The following KCNK2 variants were observed in gnomAD, a reference collection of about 807,000 sequenced individuals.
KCNK2 encodes potassium channel subfamily K member 2.
KCNK2 carries 21 observed loss-of-function variants against 40.5 expected under a neutral mutation model. That is an observed-to-expected ratio of 0.52 (90% CI 0.37 to 0.75). The LOEUF (loss-of-function observed/expected upper bound fraction) is 0.75, where lower values mean the gene tolerates loss of function less well. KCNK2 is among the 30% of genes least tolerant of loss of function. The pLI is 0.00. For synonymous variants in KCNK2, 191 were observed against 202.2 expected, an observed-to-expected ratio of 0.94 and a Z score of 0.47; for missense variants, 399 against 531.6, an observed-to-expected ratio of 0.75 and a Z score of 2.45.
At chr1:215,123,922 G>C (rs1051527093) in intron 2 of KCNK2, among the ~76,000 whole-genome samples, 1 of 152,098 alleles carries the variant, frequency 6.6e-6, no homozygotes, top group Non-Finnish European at 1.5e-5. Context: ...TCATCTTTCT[G>C]TCTTTCTCTT....
At chr1:215,198,593 G>A (rs1664961654) in intron 6 of KCNK2, among the ~76,000 whole-genome samples, 1 of 152,112 alleles carries the variant, frequency 6.6e-6, no homozygotes, top group Non-Finnish European at 1.5e-5. Flanking sequence ...TATTCTAGTT[G>A]TCATCTCTGT....
chr1:215,233,746 G>C (rs1345079878), intron 6 of KCNK2, among the ~76,000 whole-genome samples: 29 of 152,146 alleles, frequency 1.9e-4, no homozygotes, highest in Admixed American at 1.9e-3. Context: ...AAGCAGAAGT[G>C]CTAGAAGAAA....
chr1:215,218,270 G>A (rs1666035432), intron 6 of KCNK2, among the ~76,000 whole-genome samples: 1 of 152,150 alleles, frequency 6.6e-6, no homozygotes, highest in Non-Finnish European at 1.5e-5. Flanking sequence ...TAAAGTGCTG[G>A]GAAGTCTGAA....
intron 3 of KCNK2, among the ~76,000 whole-genome samples, chr1:215,150,669 A>G (rs544274501): frequency 6.6e-6 from 1 of 152,184 alleles, no homozygotes; most frequent in African/African-American, 2.4e-5. Context: ...AGATAATGCT[A>G]AAATATTATA....
intron 1 of KCNK2, among the ~76,000 whole-genome samples, chr1:215,016,476 G>T (rs569854618): frequency 6.6e-6 from 1 of 152,058 alleles, no homozygotes; most frequent in Non-Finnish European, 1.5e-5. Context: ...ACTGATTTTT[G>T]ACAGATGCCA....
intron 5 of KCNK2, among the ~76,000 whole-genome samples, chr1:215,182,353 T>A (rs905596863): frequency 6.6e-6 from 1 of 151,914 alleles, no homozygotes; most frequent in Non-Finnish European, 1.5e-5. Flanking sequence ...TGCACAACAA[T>A]CTATGTCCAG....
chr1:215,035,024 T>C (rs984696933), intron 1 of KCNK2, among the ~76,000 whole-genome samples: 1 of 152,102 alleles, frequency 6.6e-6, no homozygotes, highest in Non-Finnish European at 1.5e-5. Context: ...TACTTATTTG[T>C]TCACTTCTAG....
intron 1 of KCNK2, among the ~76,000 whole-genome samples, chr1:215,045,783 T>C (rs1657747386): frequency 2.0e-5 from 3 of 152,160 alleles, no homozygotes; most frequent in Admixed American, 2.0e-4. Flanking sequence ...GTAAATAAAT[T>C]TTCCATTCTG....
At chr1:215,007,185 G>GTGTATATATATATA (rs1398746959) in intron 1 of KCNK2, among the ~76,000 whole-genome samples, 7 of 31,026 alleles carry the variant, frequency 2.3e-4, no homozygotes, top group African/African-American at 8.6e-4. Flanking sequence ...ATGTGTGTGG[G>GTGTATATATATATA]TATATATATA....
intron 1 of KCNK2, among the ~76,000 whole-genome samples, chr1:215,026,399 A>G (rs1657001772): frequency 6.6e-6 from 1 of 150,838 alleles, no homozygotes; most frequent in Admixed American, 6.6e-5. Flanking sequence ...GTAATATCAT[A>G]TTATTTTTAA....
At chr1:215,176,630 C>T (rs1175071092) in intron 5 of KCNK2, among the ~76,000 whole-genome samples, 1 of 152,148 alleles carries the variant, frequency 6.6e-6, no homozygotes, top group Non-Finnish European at 1.5e-5. Context: ...AGGATAATGG[C>T]TTCCAGCTCC....
At chr1:215,173,683 C>T (rs1663823252) in intron 5 of KCNK2, among the ~76,000 whole-genome samples, 1 of 152,154 alleles carries the variant, frequency 6.6e-6, no homozygotes. Context: ...GAGATGGTGT[C>T]TCATTGTGGT....
chr1:215,007,133 G>A (rs1175676492), intron 1 of KCNK2, among the ~76,000 whole-genome samples: 8 of 114,452 alleles, frequency 7.0e-5, no homozygotes, highest in African/African-American at 2.7e-4. Flanking sequence ...ATATATATGT[G>A]TATATATATG....
At chr1:215,166,241 T>G (rs1326643004) in intron 3 of KCNK2, among the ~76,000 whole-genome samples, 1 of 151,566 alleles carries the variant, frequency 6.6e-6, no homozygotes, top group East Asian at 1.9e-4. Context: ...ACAACAGGAG[T>G]GGATCTGGGG....
intron 2 of KCNK2, among the ~76,000 whole-genome samples, chr1:215,099,762 G>T (rs1185829005): frequency 6.6e-6 from 1 of 151,818 alleles, no homozygotes; most frequent in Non-Finnish European, 1.5e-5. Flanking sequence ...TCTCAACATG[G>T]TTTCTTGGCT....
At chr1:215,035,139 T>C (rs185007355) in intron 1 of KCNK2, among the ~76,000 whole-genome samples, 1 of 152,138 alleles carries the variant, frequency 6.6e-6, no homozygotes, top group Admixed American at 6.6e-5. Flanking sequence ...GTACTTATAG[T>C]ATCCAGTAAA....
chr1:215,169,050 A>G, intron 3 of KCNK2, 149 bp from the exon 4 acceptor site: 1 of 541,216 alleles, frequency 1.8e-6, no homozygotes. Flanking sequence ...ATTAGAACAT[A>G]TTACAATAGT....
intron 2 of KCNK2, among the ~76,000 whole-genome samples, chr1:215,115,394 C>T (rs746582918): frequency 6.6e-6 from 1 of 152,076 alleles, no homozygotes; most frequent in Non-Finnish European, 1.5e-5. Flanking sequence ...GAAAAACATC[C>T]TTTTTCACAT....
intron 2 of KCNK2, among the ~76,000 whole-genome samples, chr1:215,094,189 A>G (rs1308379426): frequency 6.6e-6 from 1 of 151,424 alleles, no homozygotes; most frequent in Non-Finnish European, 1.5e-5. Flanking sequence ...AAGTATCTAA[A>G]AAGGCTTTCT....
Sources: allele counts gnomAD v4.1 joint callset (sites outside exome capture counted in the v4.1 genomes callset), GRCh38; gene constraint gnomAD v4.1.1; transcripts MANE v1.5; gene names NCBI Gene and HGNC (gene_info 2026-07-23, HGNC 2026-07-21).